The following ITGB1 variants were observed in gnomAD, a reference collection of about 807,000 sequenced individuals.
ITGB1 encodes the protein integrin beta-1.
A neutral mutation model predicts 86.5 loss-of-function variants in ITGB1; 24 were observed. The observed-to-expected ratio is 0.28, with a 90% CI of 0.20 to 0.39. ITGB1 has a LOEUF of 0.39. Among genes scored for constraint, ITGB1 ranks in the 10% least tolerant of loss-of-function variants. The pLI is 1.00. For synonymous variants in ITGB1, 323 were observed against 316.8 expected, an observed-to-expected ratio of 1.02 and a Z score of -0.21; for missense variants, 556 against 946.9, an observed-to-expected ratio of 0.59 and a Z score of 5.42.
At chr10:32,935,865 T>G (rs2094999996) in intron 1 of ITGB1, 1 of 232,068 alleles carries the variant, frequency 4.3e-6, no homozygotes, top group African/African-American at 2.3e-5. Context: ...AAAATCAGTG[T>G]TAAGTATTCC....
At chr10:32,948,990 ACTTCTC>A (rs2095037614) in intron 1 of ITGB1, among the ~76,000 whole-genome samples, 1 of 151,886 alleles carries the variant, frequency 6.6e-6, no homozygotes, top group Non-Finnish European at 1.5e-5. Flanking sequence ...AAAAAGACTG[ACTTCTC>A]AATTGAGAGG....
intron 11 of ITGB1, among the ~76,000 whole-genome samples, chr10:32,917,344 G>T (rs1283746751): frequency 3.9e-5 from 6 of 152,152 alleles, no homozygotes; most frequent in Non-Finnish European, 8.8e-5. Flanking sequence ...TGACAAATGG[G>T]ATCTAATTAA....
chr10:32,952,794 CTTAA>C (rs1377806209), intron 1 of ITGB1, among the ~76,000 whole-genome samples: 1 of 152,128 alleles, frequency 6.6e-6, no homozygotes, highest in Non-Finnish European at 1.5e-5. Flanking sequence ...CCACAATCAA[CTTAA>C]TTAACTACTC....
Position 32,902,006 on chromosome 10 carries a change from C to G in ITGB1, c.2332-371G>C, listed in dbSNP as rs532470761. Reference sequence around the variant, plus strand: ...AGCATGAACTCCGCTGCCATCACTGCCTGATTCTTATCCCTTTATCGTGAA... The same window carrying G: ...AGCATGAACTCCGCTGCCATCACTGGCTGATTCTTATCCCTTTATCGTGAA... On this transcript the variant is annotated intron_variant, in intron 15 of 15. Transcript: ENST00000302278. 2.6e-5 allele frequency among the ~76,000 whole-genome samples: 4 copies of G among 152,276 alleles called. No homozygotes were observed. The South Asian group carries it at 8.3e-4, about 32-fold the overall frequency.
chr10:32,943,526 A>G (rs1308537326), intron 1 of ITGB1, among the ~76,000 whole-genome samples: 1 of 152,162 alleles, frequency 6.6e-6, no homozygotes, highest in Non-Finnish European at 1.5e-5. Context: ...CAAAAAGTTA[A>G]CAAGAGGAAA....
At chr10:32,942,697 TGGGG>T (rs77276454) in intron 1 of ITGB1, among the ~76,000 whole-genome samples, 1 of 145,856 alleles carries the variant, frequency 6.9e-6, no homozygotes, top group Non-Finnish European at 1.5e-5. Flanking sequence ...TTTTTTTTTT[TGGGG>T]GGAGACAGGG....
intron 2 of ITGB1, among the ~76,000 whole-genome samples, chr10:32,934,758 A>G (rs2094995335): frequency 6.6e-6 from 1 of 152,170 alleles, no homozygotes; most frequent in Non-Finnish European, 1.5e-5. Flanking sequence ...GGATTTCTAT[A>G]CACATTAATG....
intron 1 of ITGB1, chr10:32,944,859 T>C: frequency 7.8e-7 from 1 of 1,278,774 alleles, no homozygotes; most frequent in Non-Finnish European, 1.1e-6. Flanking sequence ...GATCCTCTCA[T>C]TCAGCATGAG....
rs1054222724 is a variant in ITGB1, at chr10:32,929,704, G to T, written c.376+118C>A. Reference sequence around the variant, plus strand: ...AAAATTTAAACAATTCCACATTTTTGAGTGCCAGTCCACATGTAAAAACGA... The same window carrying T: ...AAAATTTAAACAATTCCACATTTTTTAGTGCCAGTCCACATGTAAAAACGA... On this transcript the variant is annotated intron_variant, in intron 4 of 15. Transcript: ENST00000302278. 7.5e-6 allele frequency: 5 copies of T among 669,410 alleles called. No homozygotes were observed. The East Asian group carries it at 1.3e-4, about 17-fold the overall frequency. The allele number at this position is 669,410 out of a possible 1,614,324, so 41.5% of individuals were successfully genotyped here.
In ITGB1 at chr10:32,929,988, T is replaced by C. The variant is rs1211437645; in HGVS notation, c.210A>G (p.Leu70=). The C allele has an allele frequency of 9.4e-7, 1 of 1,067,566 alleles. No homozygotes were observed. Among genetic ancestry groups the C allele is most frequent in the African/African-American group, 1.5e-5 (1 of 64,706 alleles). 66.1% of individuals were successfully genotyped at this position (1,067,566 alleles called of 1,614,324 possible). Reference sequence around the variant, plus strand: ...CATCTGGAGGGCAACCCTTCTTTTTTAAGGCTTCTAAATCATCACATCGTG... The same window carrying C: ...CATCTGGAGGGCAACCCTTCTTTTTCAAGGCTTCTAAATCATCACATCGTG... ...TSARCDDLEA[L]KKKGCPPDDI... Residue 70 remains leucine, a synonymous_variant, in exon 4 of 16, where the codon TTA becomes TTG. Transcript: ENST00000302278.
At chr10:32,935,318 AG>A (rs1360839778) in intron 2 of ITGB1, among the ~76,000 whole-genome samples, 173 bp downstream of exon 2, 1 of 152,170 alleles carries the variant, frequency 6.6e-6, no homozygotes, top group African/African-American at 2.4e-5. Flanking sequence ...GGCAGGGGTG[AG>A]GGGAGCCTGA....
chr10:32,906,297 A>C (rs562891263), intron 15 of ITGB1, among the ~76,000 whole-genome samples: 1 of 152,288 alleles, frequency 6.6e-6, no homozygotes, highest in South Asian at 2.1e-4. Context: ...TTGTTATTTA[A>C]GGATAATACT....
intron 6 of ITGB1, among the ~76,000 whole-genome samples, chr10:32,924,635 G>GCTCT (rs2094959362): frequency 6.6e-6 from 1 of 152,168 alleles, no homozygotes; most frequent in Admixed American, 6.5e-5. Context: ...TTAAGGCCTA[G>GCTCT]TTAGAGGCAG....
At chr10:32,921,757 T>C (rs2137202525) in intron 9 of ITGB1, among the ~76,000 whole-genome samples, 1 of 152,288 alleles carries the variant, frequency 6.6e-6, no homozygotes, top group Admixed American at 6.5e-5. Context: ...ATCACATGTA[T>C]ATTTACATTT....
intron 15 of ITGB1, 154 bp downstream of exon 15, chr10:32,908,214 T>G (rs2094902459): frequency 1.4e-6 from 1 of 701,108 alleles, no homozygotes; most frequent in Non-Finnish European, 2.5e-6. Flanking sequence ...TTTCTGTTTT[T>G]CACTAAATGC....
At chr10:32,945,279 T>C (rs1465322942) in intron 1 of ITGB1, among the ~76,000 whole-genome samples, 2 of 152,080 alleles carry the variant, frequency 1.3e-5, no homozygotes, top group East Asian at 1.9e-4. Flanking sequence ...AATGAACAAT[T>C]GGTAGTAATC....
intron 9 of ITGB1, 129 bp from the exon 10 acceptor site, chr10:32,920,514 G>A: frequency 1.4e-6 from 1 of 731,440 alleles, no homozygotes; most frequent in Admixed American, 2.8e-5. Context: ...ATCCAATTGA[G>A]TAACTAGAAA....
intron 15 of ITGB1, among the ~76,000 whole-genome samples, chr10:32,908,007 T>C (rs1355330360): frequency 1.3e-5 from 2 of 152,186 alleles, no homozygotes; most frequent in Non-Finnish European, 2.9e-5. Flanking sequence ...TTTTTGTTTG[T>C]TTGTTTTAAA....
chr10:32,955,920 CACTT>C (rs1048154033), intron 1 of ITGB1, among the ~76,000 whole-genome samples: 5 of 152,140 alleles, frequency 3.3e-5, no homozygotes, highest in African/African-American at 1.2e-4. Context: ...AAATCACAAA[CACTT>C]AAAATTGTAG....
Sources: gnomAD v4.1 joint callset for allele counts (sites outside exome capture counted in the v4.1 genomes callset) on GRCh38, gnomAD v4.1.1 for gene constraint, MANE v1.5 for transcripts, NCBI Gene and HGNC (gene_info 2026-07-23, HGNC 2026-07-21) for gene names.